Variants in EDNRA observed in about 807,000 individuals in gnomAD.
The protein encoded by EDNRA is endothelin receptor type A, also known as endothelin-1 receptor.
In EDNRA, 11 loss-of-function variants were observed where a neutral mutation model predicts 41.4. That is an observed-to-expected ratio of 0.27 (90% CI 0.17 to 0.44). The LOEUF is 0.44. Ranked by LOEUF, EDNRA falls within the 20% of genes least tolerant of loss-of-function variation. The pLI is 1.00. For missense variants in EDNRA, 294 were observed against 531.0 expected, an observed-to-expected ratio of 0.55 and a Z score of 4.39; for synonymous variants, 172 against 183.0, an observed-to-expected ratio of 0.94 and a Z score of 0.49.
In EDNRA at chr4:147,519,934, G is replaced by C; in HGVS notation, c.504G>C (p.Ser168=). Residue 168 remains serine, a synonymous_variant, in exon 3 of 8, where the codon TCG becomes TCC. Transcript: ENST00000651419. This position sits in a 1 kb window ranked among gnomAD's most constrained non-coding sequence, Gnocchi z 4.1. ...CKLFPFLQKS[S]VGITVLNLCA... ...TGTTCCCCTTTTTGCAGAAGTCCTC[G>C]GTGGGGATCACCGTCCTCAACCTCT... is the stretch of plus-strand genomic sequence containing the variant. The C allele has an allele frequency of 6.2e-6, 10 of 1,613,362 alleles. No individual in the cohort carries two copies. Among genetic ancestry groups the C allele is most frequent in the Non-Finnish European group, 8.5e-6 (10 of 1,179,558 alleles).
At chr4:147,501,558 G>T (rs999573297) in intron 2 of EDNRA, among the ~76,000 whole-genome samples, 1 of 152,156 alleles carries the variant, frequency 6.6e-6, no homozygotes, top group Admixed American at 6.5e-5. Flanking sequence ...AGATTCTTCT[G>T]TATCTTTCCA....
At chr4:147,482,192 G>A (rs566714778) in intron 1 of EDNRA, among the ~76,000 whole-genome samples, 1 of 152,250 alleles carries the variant, frequency 6.6e-6, no homozygotes, top group East Asian at 1.9e-4. Context: ...TTAGCTAATT[G>A]AGAAACACCT....
intron 2 of EDNRA, among the ~76,000 whole-genome samples, chr4:147,511,651 G>A (rs1331905071): frequency 6.6e-6 from 1 of 152,136 alleles, no homozygotes; most frequent in Non-Finnish European, 1.5e-5. Flanking sequence ...TCACTGATAA[G>A]ATTTTGGGAT....
At position 147,483,633 on chromosome 4, in the gene EDNRA, T is replaced by C. The variant is rs560639493; in HGVS notation, c.-70-1979T>C. Among the ~76,000 whole-genome samples, 5 of 152,306 alleles carry C rather than the reference T, an allele frequency of 3.3e-5. No homozygotes were observed. The South Asian group carries it at 1.0e-3, about 32-fold the overall frequency. ...CCTAAGCTTTACTGATTTCCCAAGA[T>C]AATTGTCAAAATTCCTAAAAGTGGT... On this transcript the variant is annotated intron_variant, in intron 1 of 7. Transcript: ENST00000651419.
chr4:147,536,186 C>A (rs1164209895), intron 5 of EDNRA, among the ~76,000 whole-genome samples, 157 bp downstream of exon 5: 1 of 152,124 alleles, frequency 6.6e-6, no homozygotes. Context: ...TTAGAAATTT[C>A]TTTTGTAAAA....
chr4:147,498,914 C>A (rs929111731), intron 2 of EDNRA, among the ~76,000 whole-genome samples: 23 of 152,186 alleles, frequency 1.5e-4, no homozygotes, highest in African/African-American at 5.3e-4. Flanking sequence ...CACTTCATAA[C>A]CTTTGATATT....
chr4:147,524,388 C>T (rs914897648), intron 3 of EDNRA, among the ~76,000 whole-genome samples: 1 of 151,974 alleles, frequency 6.6e-6, no homozygotes, highest in Non-Finnish European at 1.5e-5. Context: ...CCAATACCAC[C>T]TCCTCTCTTC....
Position 147,539,846 on chromosome 4 carries a change from C to CGTGG in EDNRA, c.930_931insGTGG (p.Leu311ValfsTer25). On this transcript the variant is annotated frameshift_variant, in exon 6 of 8. Coordinates refer to ENST00000651419, the MANE Select transcript of EDNRA (RefSeq NM_001957.4). LOFTEE classifies it high-confidence loss of function. Reference sequence around the variant, plus strand: ...GAGAAGTGGCAAAAACAGTTTTCTGCTTGGTTGTAATTTTTGCTCTTTGCT... The same window carrying CGTGG: ...GAGAAGTGGCAAAAACAGTTTTCTGCGTGGTTGGTTGTAATTTTTGCTCTTTGCT... 1 of 1,611,410 alleles carries CGTGG rather than the reference C, an allele frequency of 6.2e-7. No individual in the cohort carries two copies. The highest frequency in any genetic ancestry group is 8.5e-7 in the Non-Finnish European group (1 of 1,179,566).
intron 6 of EDNRA, 38 bp from the exon 7 acceptor site, chr4:147,540,339 A>G (rs754239874): frequency 3.4e-6 from 5 of 1,459,764 alleles, no homozygotes; most frequent in Non-Finnish European, 4.7e-6. Context: ...TTAAAACAAT[A>G]TATTCTAATT....
intron 2 of EDNRA, among the ~76,000 whole-genome samples, chr4:147,510,869 G>T (rs1039283322): frequency 1.1e-4 from 16 of 152,168 alleles, no homozygotes; most frequent in African/African-American, 3.9e-4. Context: ...AAGGGTGCAG[G>T]TTAGCTTAGA....
chr4:147,482,879 C>T (rs1728819181), intron 1 of EDNRA, among the ~76,000 whole-genome samples: 2 of 152,214 alleles, frequency 1.3e-5, no homozygotes. Flanking sequence ...CAGGTCAGTT[C>T]ACAGGTCAGT....
chr4:147,537,930 C>T (rs1321741415), intron 5 of EDNRA, among the ~76,000 whole-genome samples: 1 of 152,132 alleles, frequency 6.6e-6, no homozygotes, highest in Admixed American at 6.6e-5. Flanking sequence ...AGCACAAAAC[C>T]TTGCCATCTT....
At chr4:147,538,994 A>G (rs1731008373) in intron 5 of EDNRA, among the ~76,000 whole-genome samples, 1 of 152,134 alleles carries the variant, frequency 6.6e-6, no homozygotes, top group Non-Finnish European at 1.5e-5. Context: ...ATGCACACCA[A>G]TGAATGGTTG....
At chr4:147,538,963 A>G (rs936834803) in intron 5 of EDNRA, among the ~76,000 whole-genome samples, 2 of 152,208 alleles carry the variant, frequency 1.3e-5, no homozygotes, top group African/African-American at 4.8e-5. Context: ...TTCTAAATGC[A>G]TGCAATATAA....
At chr4:147,510,366 C>A (rs761260922) in intron 2 of EDNRA, among the ~76,000 whole-genome samples, 3 of 152,098 alleles carry the variant, frequency 2.0e-5, no homozygotes, top group Admixed American at 1.3e-4. Context: ...AGTAGAGATA[C>A]AACATATATC....
In EDNRA at chr4:147,542,632, C is replaced by G. The variant is rs201768930; in HGVS notation, c.*14C>G. 86 of 1,613,208 alleles carry G rather than the reference C, an allele frequency of 5.3e-5. No homozygotes were observed. Among genetic ancestry groups the G allele is most frequent in the Non-Finnish European group, 7.0e-5 (83 of 1,179,708 alleles). ...AGCATGAACTGACCACCCTTAGAAGCACTCCTCGGTACTCCCATAATCCTC... is the reference window on the plus strand; with the variant it reads ...AGCATGAACTGACCACCCTTAGAAGGACTCCTCGGTACTCCCATAATCCTC... On this transcript the variant is annotated 3_prime_UTR_variant, in exon 8 of 8. Transcript: ENST00000651419.
intron 2 of EDNRA, among the ~76,000 whole-genome samples, chr4:147,513,239 C>T (rs1321867928): frequency 6.6e-6 from 1 of 152,152 alleles, no homozygotes; most frequent in African/African-American, 2.4e-5. Flanking sequence ...GAGTCAAAAC[C>T]ATTTATGGAA....
At position 147,519,796 on chromosome 4, in the gene EDNRA, C is replaced by T; in HGVS notation, c.421-55C>T. 1 of 1,570,674 alleles carries T rather than the reference C, an allele frequency of 6.4e-7. No individual in the cohort carries two copies. The highest frequency in any genetic ancestry group is 8.6e-7 in the Non-Finnish European group (1 of 1,156,958). Reference sequence around the variant, plus strand: ...GACGCATAACTAAAACTGTAAGTGCCCACATGCTCCGTGCCAGCTCTACCA... The same window carrying T: ...GACGCATAACTAAAACTGTAAGTGCTCACATGCTCCGTGCCAGCTCTACCA... On this transcript the variant is annotated intron_variant, in intron 2 of 7. Transcript: ENST00000651419. This position sits in a 1 kb window ranked among gnomAD's most constrained non-coding sequence, Gnocchi z 4.1.
intron 2 of EDNRA, among the ~76,000 whole-genome samples, chr4:147,513,017 T>C (rs763770261): frequency 7.9e-5 from 12 of 152,164 alleles, no homozygotes; most frequent in Non-Finnish European, 1.5e-4. Context: ...ACCAGAACGA[T>C]CTTCATTTTA....
Sources: allele counts gnomAD v4.1 joint callset (sites outside exome capture counted in the v4.1 genomes callset), GRCh38; gene constraint gnomAD v4.1.1; non-coding constraint Gnocchi (gnomAD v3.1); transcripts MANE v1.5; gene names NCBI Gene and HGNC (gene_info 2026-07-23, HGNC 2026-07-21).